NLGN4X: variants seen among roughly 807,000 people sequenced by gnomAD.
NLGN4X encodes the protein neuroligin 4 X-linked.
NLGN4X carries 3 observed loss-of-function variants against 40.3 expected under a neutral mutation model. The observed-to-expected ratio is 0.07, with a 90% confidence interval of 0.03 to 0.19. The LOEUF (loss-of-function observed/expected upper bound fraction) is 0.19, where lower values mean the gene tolerates loss of function less well. NLGN4X is among the 10% of genes least tolerant of loss of function. The pLI is 1.00. For synonymous variants in NLGN4X, 270 were observed against 306.8 expected, an observed-to-expected ratio of 0.88 and a Z score of 1.25; for missense variants, 382 against 708.3, an observed-to-expected ratio of 0.54 and a Z score of 5.23.
At chrX:5,983,199 TG>T (rs1312883063) in intron 3 of NLGN4X, among the ~76,000 whole-genome samples, 1 of 108,658 alleles carries the variant, frequency 9.2e-6, no homozygotes, top group Non-Finnish European at 1.9e-5. Context: ...GGGAAGAGCA[TG>T]GCCCCATGGA....
Position 6,157,824 on chromosome X carries a change from G to A in NLGN4X, c.-305-6053C>T, listed in dbSNP as rs145356886. Among the ~76,000 whole-genome samples, 66 of 111,350 alleles carry A rather than the reference G, an allele frequency of 5.9e-4. No homozygotes were observed. The East Asian group carries it at 0.017, about 29-fold the overall frequency. On this transcript the variant is annotated intron_variant, in intron 1 of 5. Coordinates refer to ENST00000381095, the MANE Select transcript of NLGN4X (RefSeq NM_181332.3). Reference sequence around the variant, plus strand: ...TTTGGGGTTACAACGTCAACATGGGGATTCTGGAAAGACACAAGCCTTCAG... The same window carrying A: ...TTTGGGGTTACAACGTCAACATGGGAATTCTGGAAAGACACAAGCCTTCAG...
chrX:5,961,123 G>A (rs954712906), intron 3 of NLGN4X, among the ~76,000 whole-genome samples: 2 of 111,160 alleles, frequency 1.8e-5, no homozygotes, highest in African/African-American at 6.5e-5. Context: ...CGCCTTCCCG[G>A]GTTCACGCCA....
chrX:5,945,889 A>G (rs775593392), intron 3 of NLGN4X, among the ~76,000 whole-genome samples: 23 of 111,612 alleles, frequency 2.1e-4, no homozygotes, highest in Non-Finnish European at 4.0e-4. Flanking sequence ...AGCCACTTGC[A>G]TGATATTCGC....
intron 3 of NLGN4X, among the ~76,000 whole-genome samples, chrX:5,941,180 G>GGGGTGT (rs1410112176): frequency 6.8e-5 from 4 of 58,625 alleles, no homozygotes; most frequent in African/African-American, 2.3e-4. Flanking sequence ...TATGCTAGGG[G>GGGGTGT]GTGTGTGTGT....
intron 3 of NLGN4X, among the ~76,000 whole-genome samples, chrX:5,980,834 C>T (rs2035365762): frequency 1.8e-5 from 2 of 110,657 alleles, no homozygotes; most frequent in African/African-American, 3.3e-5. Context: ...TAGCAGGAGC[C>T]CTCCAAGTAT....
intron 3 of NLGN4X, among the ~76,000 whole-genome samples, chrX:5,922,107 A>C (rs2033092561): frequency 9.0e-6 from 1 of 111,512 alleles, no homozygotes; most frequent in Non-Finnish European, 1.9e-5. Context: ...TCCCAGAACC[A>C]ATTGTTTTTC....
At chrX:5,955,206 C>T (rs1361435983) in intron 3 of NLGN4X, among the ~76,000 whole-genome samples, 1 of 111,556 alleles carries the variant, frequency 9.0e-6, no homozygotes, top group Non-Finnish European at 1.9e-5. Context: ...AACAGCAATA[C>T]ACTTAGTATC....
intron 1 of NLGN4X, among the ~76,000 whole-genome samples, chrX:6,179,616 T>A (rs1043564098): frequency 3.6e-5 from 4 of 112,346 alleles, no homozygotes; most frequent in Non-Finnish European, 7.5e-5. Context: ...GTGTGCTGAC[T>A]GTGATGTCCC....
chrX:6,204,621 C>T (rs965945301), intron 1 of NLGN4X, among the ~76,000 whole-genome samples: 4 of 111,253 alleles, frequency 3.6e-5, no homozygotes, highest in Non-Finnish European at 7.5e-5. Flanking sequence ...CCCAGAAATA[C>T]CCTAAGGCAG....
intron 1 of NLGN4X, among the ~76,000 whole-genome samples, chrX:6,155,335 C>T (rs1257475303): frequency 8.9e-6 from 1 of 112,011 alleles, no homozygotes; most frequent in Admixed American, 9.5e-5. Context: ...CTGATCCTTG[C>T]CCAAATTACT....
chrX:6,067,201 C>T (rs926961240), intron 2 of NLGN4X, among the ~76,000 whole-genome samples: 2 of 110,982 alleles, frequency 1.8e-5, no homozygotes, highest in African/African-American at 6.6e-5. Flanking sequence ...CATTGCCATT[C>T]CCAGTTTTAA....
At chrX:5,996,601 CTT>C (rs112441616) in intron 3 of NLGN4X, among the ~76,000 whole-genome samples, 6 of 95,369 alleles carry the variant, frequency 6.3e-5, no homozygotes, top group Admixed American at 1.2e-4. Context: ...CCCTTTTCAC[CTT>C]TTTTTTTTTT....
Position 5,931,578 on chromosome X carries a change from T to G in NLGN4X, c.626-22339A>C, listed in dbSNP as rs755022385. Among the ~76,000 whole-genome samples, 13 of 111,900 alleles carry G rather than the reference T, an allele frequency of 1.2e-4. No homozygotes were observed. In the East Asian group the frequency reaches 3.4e-3, roughly 29 times the overall value. The stretch of plus-strand genomic sequence containing the variant: ...TCCAGGGGCAGGTGGTGGCACAGAT[T>G]CATTTGGATGGTTTAGAATCCTACC... On this transcript the variant is annotated intron_variant, in intron 3 of 5. Transcript: ENST00000381095.
chrX:6,064,518 TAA>T (rs1197069068), intron 2 of NLGN4X, among the ~76,000 whole-genome samples: 2 of 111,715 alleles, frequency 1.8e-5, no homozygotes, highest in Non-Finnish European at 3.8e-5. Flanking sequence ...GCAGGTGAGC[TAA>T]AGAGAGAAAC....
intron 3 of NLGN4X, among the ~76,000 whole-genome samples, chrX:5,913,642 T>C (rs2032624640): frequency 8.9e-6 from 1 of 112,248 alleles, no homozygotes; most frequent in South Asian, 3.7e-4. Context: ...AATGAATCCA[T>C]GTTAATGGCT....
chrX:5,977,091 G>A (rs992024272), intron 3 of NLGN4X, among the ~76,000 whole-genome samples: 4 of 112,762 alleles, frequency 3.5e-5, no homozygotes, highest in Admixed American at 9.4e-5. Context: ...AGAGATACAC[G>A]TTTAGAAGTT....
At chrX:5,938,230 TG>T (rs1464066567) in intron 3 of NLGN4X, among the ~76,000 whole-genome samples, 1 of 111,426 alleles carries the variant, frequency 9.0e-6, no homozygotes, top group Admixed American at 9.6e-5. Context: ...TGTTAGGATT[TG>T]GGTTCAAGTT....
At position 5,898,562 on chromosome X, in the gene NLGN4X, C is replaced by T. The variant is rs780846973; in HGVS notation, c.1601+4515G>A. ...TCATCTTGGCAAACACATGCGCCATCGAGAGACTGGCTGTGCCTGCAGGTT... is the reference window on the plus strand; with the variant it reads ...TCATCTTGGCAAACACATGCGCCATTGAGAGACTGGCTGTGCCTGCAGGTT... On this transcript the variant is annotated intron_variant, in intron 5 of 5. Coordinates refer to ENST00000381095, the MANE Select transcript of NLGN4X (RefSeq NM_181332.3). Among the ~76,000 whole-genome samples the T allele has an allele frequency of 7.2e-5, 8 of 111,384 alleles. No homozygotes were observed. The East Asian group carries it at 2.3e-3, about 32-fold the overall frequency.
At position 5,891,025 on chromosome X, in the gene NLGN4X, T is replaced by A; in HGVS notation, c.*1792A>T. On this transcript the variant is annotated 3_prime_UTR_variant, in exon 6 of 6. Coordinates refer to ENST00000381095, the MANE Select transcript of NLGN4X (RefSeq NM_181332.3). ...TAACCCACAATGGAGCCGAGGAACA[T>A]GATCTTCAAATATCTTTGGCTACTG... is the stretch of plus-strand genomic sequence containing the variant. The A allele has an allele frequency of 6.6e-6, 2 of 304,228 alleles. No individual in the cohort carries two copies. Among genetic ancestry groups the A allele is most frequent in the Non-Finnish European group, 1.2e-5 (2 of 161,134 alleles). 25.1% of individuals were successfully genotyped at this position (304,228 alleles called of 1,213,427 possible). A position where few individuals can be genotyped will look rare whatever the true frequency, so the allele number is the denominator to read the frequency against.
Sources: allele counts gnomAD v4.1 joint callset (sites outside exome capture counted in the v4.1 genomes callset), GRCh38; gene constraint gnomAD v4.1.1; transcripts MANE v1.5; gene names NCBI Gene and HGNC (gene_info 2026-07-23, HGNC 2026-07-21).